CTNNA1: variants seen among roughly 807,000 people sequenced by gnomAD.
The protein encoded by CTNNA1 is catenin alpha-1.
A neutral mutation model predicts 98.4 loss-of-function variants in CTNNA1; 37 were observed. The ratio of observed to expected loss-of-function variants is 0.38; its 90% CI spans 0.29 to 0.49. The LOEUF is 0.49. Among genes scored for constraint, CTNNA1 ranks in the 20% least tolerant of loss-of-function variants. The pLI, the probability that CTNNA1 is intolerant of heterozygous loss-of-function variation, is 0.95. For synonymous variants in CTNNA1, 404 were observed against 413.2 expected (o/e 0.98, Z 0.27); for missense variants, 761 against 1,147.2 (o/e 0.66, Z 4.86).
intron 1 of CTNNA1, among the ~76,000 whole-genome samples, chr5:138,756,422 C>T (rs527978255): frequency 1.3e-5 from 2 of 152,222 alleles, no homozygotes; most frequent in East Asian, 3.9e-4. Context: ...TCGCCTCAGC[C>T]TCCTAAAGTG....
intron 6 of CTNNA1, among the ~76,000 whole-genome samples, chr5:138,827,114 CA>C (rs923376321): frequency 2.0e-5 from 3 of 152,212 alleles, no homozygotes; most frequent in African/African-American, 7.2e-5. Context: ...TGTGGTGCAA[CA>C]GTTCTAAATA....
chr5:138,810,756 C>G (rs1035673610), intron 4 of CTNNA1, among the ~76,000 whole-genome samples: 3 of 152,230 alleles, frequency 2.0e-5, no homozygotes, highest in Non-Finnish European at 4.4e-5. Context: ...CCTTTCTATT[C>G]CACAAAACCG....
At chr5:138,822,289 A>C (rs759344597) in intron 5 of CTNNA1, among the ~76,000 whole-genome samples, 2 of 152,212 alleles carry the variant, frequency 1.3e-5, no homozygotes. Context: ...AGCCTAATGT[A>C]GTCTTTGGAA....
intron 3 of CTNNA1, among the ~76,000 whole-genome samples, chr5:138,799,646 A>T (rs1367212795): frequency 6.7e-6 from 1 of 148,868 alleles, no homozygotes; most frequent in East Asian, 2.0e-4. Context: ...TTTTGTAAGG[A>T]TGACCATTCA....
intron 9 of CTNNA1, among the ~76,000 whole-genome samples, chr5:138,889,374 T>C (rs997863068): frequency 7.9e-5 from 12 of 152,158 alleles, no homozygotes; most frequent in Non-Finnish European, 1.6e-4. Flanking sequence ...GCAAGTACAG[T>C]GTACTTCCCA....
At chr5:138,880,026 C>G (rs1348374693) in intron 7 of CTNNA1, among the ~76,000 whole-genome samples, 1 of 152,146 alleles carries the variant, frequency 6.6e-6, no homozygotes, top group African/African-American at 2.4e-5. Flanking sequence ...AATCTTGGAG[C>G]AATGCGTCTA....
intron 16 of CTNNA1, chr5:138,931,156 A>G (rs1048326817): frequency 2.1e-5 from 11 of 533,090 alleles, no homozygotes; most frequent in Middle Eastern, 5.1e-4. Context: ...AACCTCTGCT[A>G]TTGTCTCTTA....
At chr5:138,811,790 C>G (rs1183340026) in intron 4 of CTNNA1, among the ~76,000 whole-genome samples, 1 of 152,138 alleles carries the variant, frequency 6.6e-6, no homozygotes, top group African/African-American at 2.4e-5. Context: ...TGGCAGCGCA[C>G]GCCTGCAAAT....
At chr5:138,763,393 A>G (rs1437561864) in intron 1 of CTNNA1, among the ~76,000 whole-genome samples, 1 of 152,200 alleles carries the variant, frequency 6.6e-6, no homozygotes, top group African/African-American at 2.4e-5. Context: ...ATATTTCATT[A>G]GATTCAATAT....
intron 7 of CTNNA1, among the ~76,000 whole-genome samples, chr5:138,857,336 T>C (rs1410724376): frequency 6.6e-6 from 1 of 152,218 alleles, no homozygotes; most frequent in Non-Finnish European, 1.5e-5. Context: ...GGTCCTACTT[T>C]GGCCAAGCCC....
At chr5:138,779,892 T>TTTA in intron 1 of CTNNA1, among the ~76,000 whole-genome samples, 1 of 152,054 alleles carries the variant, frequency 6.6e-6, no homozygotes, top group South Asian at 2.1e-4. Context: ...ATTTTTGTAG[T>TTTA]TTTAATAGAG....
chr5:138,875,987 T>C (rs141863021), intron 7 of CTNNA1, among the ~76,000 whole-genome samples: 4 of 152,336 alleles, frequency 2.6e-5, no homozygotes, highest in Non-Finnish European at 5.9e-5. Flanking sequence ...AGATTTCTCT[T>C]TCTCCTATTT....
Position 138,873,852 on chromosome 5 carries a change from G to A in CTNNA1, c.1063-12360G>A. The A allele has an allele frequency of 6.2e-7, 1 of 1,613,998 alleles. No homozygotes were observed. Among genetic ancestry groups the A allele is most frequent in the Non-Finnish European group, 8.5e-7 (1 of 1,179,894 alleles). ...GTCAAGTTGCTGATTTTGTTCCATT[G>A]TAAGAAGAGCGTGTGCAGACTGCTT... On this transcript the variant is annotated intron_variant, in intron 7 of 17. Coordinates refer to ENST00000302763, the MANE Select transcript of CTNNA1 (RefSeq NM_001903.5). This position sits in a 1 kb window ranked among gnomAD's most constrained non-coding sequence, Gnocchi z 6.1.
intron 9 of CTNNA1, among the ~76,000 whole-genome samples, chr5:138,895,119 A>G (rs572092822): frequency 6.6e-6 from 1 of 152,342 alleles, no homozygotes; most frequent in South Asian, 2.1e-4. Flanking sequence ...AGTACCTAGA[A>G]TATAGTAGGT....
At position 138,824,817 on chromosome 5, in the gene CTNNA1, G is replaced by A; in HGVS notation, c.858+18G>A. The A allele has an allele frequency of 1.2e-6, 2 of 1,605,002 alleles. No individual in the cohort carries two copies. The highest frequency in any genetic ancestry group is 1.1e-5 in the South Asian group (1 of 90,914). On this transcript the variant is annotated intron_variant, in intron 6 of 17. Transcript: ENST00000302763. ...ACTTTGACGTAAGTTATGCTTGGGTGGAAATTTCCAGCTCTTGACCATCCC... is the reference window on the plus strand; with the variant it reads ...ACTTTGACGTAAGTTATGCTTGGGTAGAAATTTCCAGCTCTTGACCATCCC...
chr5:138,898,194 C>A (rs565859606), intron 9 of CTNNA1, among the ~76,000 whole-genome samples: 3 of 134,818 alleles, frequency 2.2e-5, no homozygotes, highest in Non-Finnish European at 3.1e-5. Context: ...TTCGTCTTAC[C>A]GTGTGATATG....
chr5:138,785,808 C>T (rs1030469418), intron 3 of CTNNA1, among the ~76,000 whole-genome samples: 2 of 151,944 alleles, frequency 1.3e-5, no homozygotes, highest in East Asian at 1.9e-4. Context: ...TTGGCAGGCT[C>T]GTCTCGAACT....
chr5:138,858,319 G>T (rs1763915369), intron 7 of CTNNA1, among the ~76,000 whole-genome samples: 1 of 151,548 alleles, frequency 6.6e-6, no homozygotes, highest in African/African-American at 2.4e-5. Flanking sequence ...TAGAGACAGG[G>T]TCTTGCCATG....
intron 1 of CTNNA1, among the ~76,000 whole-genome samples, chr5:138,761,426 G>C (rs927731576): frequency 6.6e-6 from 1 of 152,028 alleles, no homozygotes; most frequent in Non-Finnish European, 1.5e-5. Context: ...TAGTAGAGAC[G>C]GGGTTTCACC....
Sources: allele counts gnomAD v4.1 joint callset (sites outside exome capture counted in the v4.1 genomes callset), GRCh38; gene constraint gnomAD v4.1.1; non-coding constraint Gnocchi (gnomAD v3.1); transcripts MANE v1.5; gene names NCBI Gene and HGNC (gene_info 2026-07-23, HGNC 2026-07-21).